The following PDE4B variants were observed in gnomAD, a reference collection of about 807,000 sequenced individuals.
PDE4B encodes 3',5'-cyclic-AMP phosphodiesterase 4B.
Under a neutral mutation model 82.2 loss-of-function variants are expected in PDE4B, and 20 were observed. That is an observed-to-expected ratio of 0.24 (90% confidence interval 0.17 to 0.35). The LOEUF (loss-of-function observed/expected upper bound fraction) is 0.35. Among genes scored for constraint, PDE4B ranks in the 10% least tolerant of loss-of-function variants. The pLI, the probability that PDE4B is intolerant of heterozygous loss-of-function variation, is 1.00. For synonymous variants in PDE4B, 320 were observed against 318.9 expected, an observed-to-expected ratio of 1.00 and a Z score of -0.04; for missense variants, 655 against 907.2, an observed-to-expected ratio of 0.72 and a Z score of 3.57.
intron 3 of PDE4B, among the ~76,000 whole-genome samples, chr1:66,083,887 C>T (rs1422460175): frequency 6.6e-6 from 1 of 152,108 alleles, no homozygotes; most frequent in African/African-American, 2.4e-5. Context: ...TCTGTATGTG[C>T]CAGTCTTCTT....
intron 3 of PDE4B, among the ~76,000 whole-genome samples, chr1:65,946,123 A>G (rs1173907996): frequency 6.6e-6 from 1 of 152,018 alleles, no homozygotes; most frequent in East Asian, 1.9e-4. Context: ...GGTCACAGGA[A>G]ACCCTTCATG....
chr1:66,071,779 G>A (rs1656167498), intron 3 of PDE4B, among the ~76,000 whole-genome samples: 1 of 151,984 alleles, frequency 6.6e-6, no homozygotes, highest in Non-Finnish European at 1.5e-5. Context: ...AAGACTACGT[G>A]TTATCGATAA....
chr1:66,356,901 A>G (rs1662293084), intron 9 of PDE4B, among the ~76,000 whole-genome samples: 1 of 152,224 alleles, frequency 6.6e-6, no homozygotes, highest in Admixed American at 6.5e-5. Context: ...ATTTTCATCC[A>G]TCCTAGCTCC....
intron 7 of PDE4B, among the ~76,000 whole-genome samples, chr1:66,295,711 G>A (rs1209882347): frequency 2.0e-5 from 3 of 152,136 alleles, no homozygotes; most frequent in African/African-American, 4.8e-5. Context: ...GTGAGCCGCT[G>A]TGCCCGGCTC....
At chr1:65,925,519 C>T (rs1193839890) in intron 3 of PDE4B, among the ~76,000 whole-genome samples, 1 of 152,114 alleles carries the variant, frequency 6.6e-6, no homozygotes, top group South Asian at 2.1e-4. Context: ...ATGCACCCCC[C>T]GAGCCCCTGC....
intron 4 of PDE4B, among the ~76,000 whole-genome samples, chr1:66,252,758 C>T (rs748739743): frequency 6.6e-6 from 1 of 151,962 alleles, no homozygotes; most frequent in African/African-American, 2.4e-5. Context: ...GACAACGTGG[C>T]GAAGCCCTGT....
intron 3 of PDE4B, among the ~76,000 whole-genome samples, chr1:65,930,572 A>G (rs916667434): frequency 1.3e-5 from 2 of 152,342 alleles, no homozygotes; most frequent in African/African-American, 4.8e-5. Flanking sequence ...GATGTGGGAC[A>G]TGGAGTCAAA....
intron 3 of PDE4B, among the ~76,000 whole-genome samples, chr1:66,143,905 G>C (rs962070200): frequency 6.6e-6 from 1 of 152,236 alleles, no homozygotes; most frequent in Non-Finnish European, 1.5e-5. Flanking sequence ...AAGGATCCTA[G>C]AGCAGGAAGA....
intron 1 of PDE4B, among the ~76,000 whole-genome samples, chr1:65,900,918 T>A (rs1011622755): frequency 2.6e-5 from 4 of 152,000 alleles, no homozygotes; most frequent in Admixed American, 1.3e-4. Flanking sequence ...ACAATTTGAC[T>A]TTTTTTCCTA....
At chr1:66,216,245 CCTAT>C (rs1201497356) in intron 3 of PDE4B, among the ~76,000 whole-genome samples, 2 of 150,158 alleles carry the variant, frequency 1.3e-5, no homozygotes, top group African/African-American at 4.9e-5. Flanking sequence ...TTTAAAATAT[CCTAT>C]CTATTTCAAT....
intron 3 of PDE4B, among the ~76,000 whole-genome samples, chr1:65,969,561 T>C (rs1030883525): frequency 4.6e-5 from 7 of 152,156 alleles, no homozygotes; most frequent in Admixed American, 3.3e-4. Context: ...GAAAAAACTT[T>C]TTTCTGAATA....
chr1:66,115,531 C>T (rs532822362), intron 3 of PDE4B, among the ~76,000 whole-genome samples: 34 of 152,338 alleles, frequency 2.2e-4, no homozygotes, highest in African/African-American at 7.2e-4. Context: ...CTTAACCTTG[C>T]ATAAAAGTTA....
intron 3 of PDE4B, among the ~76,000 whole-genome samples, chr1:66,129,696 A>G (rs1208724329): frequency 6.8e-5 from 5 of 73,648 alleles, no homozygotes; most frequent in African/African-American, 1.7e-4. Context: ...AAACAAAAAA[A>G]CAAAAAAAAA....
intron 3 of PDE4B, among the ~76,000 whole-genome samples, chr1:66,125,314 C>A (rs1275307866): frequency 6.6e-6 from 1 of 151,950 alleles, no homozygotes; most frequent in Admixed American, 6.6e-5. Context: ...CAAGTGCCAG[C>A]CACCATGCCC....
intron 3 of PDE4B, among the ~76,000 whole-genome samples, chr1:66,073,297 A>G (rs1656256307): frequency 6.6e-6 from 1 of 152,170 alleles, no homozygotes; most frequent in Non-Finnish European, 1.5e-5. Context: ...GCTTTACCAC[A>G]AACTGTCTAC....
At chr1:66,005,735 A>G (rs1652113260) in intron 3 of PDE4B, among the ~76,000 whole-genome samples, 1 of 152,224 alleles carries the variant, frequency 6.6e-6, no homozygotes, top group African/African-American at 2.4e-5. Context: ...GAAATTGTAG[A>G]TTAAATTAAG....
chr1:66,316,635 C>G (rs1034510918), intron 7 of PDE4B, among the ~76,000 whole-genome samples: 3 of 152,198 alleles, frequency 2.0e-5, no homozygotes, highest in African/African-American at 7.2e-5. Context: ...CAGGATTTCA[C>G]TGGTAAATAT....
chr1:66,290,035 G>A (rs1194723675), intron 7 of PDE4B, among the ~76,000 whole-genome samples: 2 of 152,144 alleles, frequency 1.3e-5, no homozygotes, highest in Admixed American at 1.3e-4. Context: ...AGTTGAAAAT[G>A]TTAAAAGAGG....
At chr1:65,853,681 C>T (rs1306819127) in intron 1 of PDE4B, among the ~76,000 whole-genome samples, 2 of 152,042 alleles carry the variant, frequency 1.3e-5, no homozygotes, top group African/African-American at 4.8e-5. Flanking sequence ...AGGCATGCAC[C>T]ACCACGCACA....
Sources: allele counts gnomAD v4.1 joint callset (sites outside exome capture counted in the v4.1 genomes callset), GRCh38; gene constraint gnomAD v4.1.1; transcripts MANE v1.5; gene names NCBI Gene and HGNC (gene_info 2026-07-23, HGNC 2026-07-21).